The following ZNF558 variants were observed in gnomAD, a reference collection of about 807,000 sequenced individuals.
ZNF558 encodes the protein zinc finger protein 558.
A neutral mutation model predicts 37.6 loss-of-function variants in ZNF558; 23 were observed. That is an observed-to-expected ratio of 0.61 (90% CI 0.44 to 0.87). The LOEUF is 0.87. ZNF558 is among the 40% of genes least tolerant of loss of function. ZNF558 has a pLI of 0.00. For missense variants in ZNF558, 429 were observed against 483.7 expected (o/e 0.89, Z 1.06); for synonymous variants, 189 against 174.4 (o/e 1.08, Z -0.66).
At chr19:8,823,315 C>G (rs765925398) in intron 4 of ZNF558, among the ~76,000 whole-genome samples, 5 of 151,806 alleles carry the variant, frequency 3.3e-5, no homozygotes, top group Middle Eastern at 6.8e-3. Flanking sequence ...GCATGTCCTC[C>G]GACCACACGC....
At chr19:8,817,307 C>T (rs2043963155) in intron 7 of ZNF558, among the ~76,000 whole-genome samples, 1 of 152,108 alleles carries the variant, frequency 6.6e-6, no homozygotes, top group South Asian at 2.1e-4. Flanking sequence ...AGATCATACG[C>T]ATTCAGTAGA....
intron 7 of ZNF558, among the ~76,000 whole-genome samples, chr19:8,814,171 A>G (rs1415626405): frequency 2.6e-5 from 4 of 152,204 alleles, no homozygotes; most frequent in Non-Finnish European, 4.4e-5. Flanking sequence ...GAGCTTTATG[A>G]TACTTTAAAT....
Position 8,807,288 on chromosome 19 carries a change from CCTG to C in ZNF558, c.*3990_*3992del, listed in dbSNP as rs2043711231. On this transcript the variant is annotated 3_prime_UTR_variant, in exon 10 of 10. Coordinates refer to ENST00000601372, the MANE Select transcript of ZNF558 (RefSeq NM_144693.3). ...AGGCTGTGAGGTGTTAGAGCTCTGCCCTGCTAAGCTGCTGGGTGCTTTACAACT... is the reference window on the plus strand; with the variant it reads ...AGGCTGTGAGGTGTTAGAGCTCTGCCCTAAGCTGCTGGGTGCTTTACAACT... 6.6e-6 allele frequency: 1 copy of C among 152,340 alleles called. No homozygotes were observed. The highest frequency in any genetic ancestry group is 2.1e-4 in the South Asian group (1 of 4,826). 9.4% of individuals were successfully genotyped at this position (152,340 alleles called of 1,614,324 possible).
At chr19:8,823,554 C>G (rs906715401) in intron 4 of ZNF558, among the ~76,000 whole-genome samples, 1 of 140,474 alleles carries the variant, frequency 7.1e-6, no homozygotes, top group Non-Finnish European at 1.6e-5. Context: ...AACTCCTGCC[C>G]TTGGTCACCC....
At chr19:8,835,093 C>T (rs1192399398), upstream of ZNF558, among the ~76,000 whole-genome samples, 1 of 151,502 alleles carries the variant, frequency 6.6e-6, no homozygotes, top group Admixed American at 6.6e-5. Flanking sequence ...CTTCTGTCAC[C>T]TAGGCTGGAG....
At chr19:8,815,928 G>A (rs2043925902) in intron 7 of ZNF558, among the ~76,000 whole-genome samples, 1 of 150,944 alleles carries the variant, frequency 6.6e-6, no homozygotes, top group Non-Finnish European at 1.5e-5. Flanking sequence ...GAGAGAAAAG[G>A]GTGAGAAGGT....
At chr19:8,826,254 G>A (rs1257424256) in intron 2 of ZNF558, among the ~76,000 whole-genome samples, 3 of 152,004 alleles carry the variant, frequency 2.0e-5, no homozygotes, top group African/African-American at 7.3e-5. Context: ...GGCGGCAGTG[G>A]GGCTGGGCAG....
At chr19:8,816,991 C>T (rs1299592391) in intron 7 of ZNF558, among the ~76,000 whole-genome samples, 1 of 151,952 alleles carries the variant, frequency 6.6e-6, no homozygotes, top group Non-Finnish European at 1.5e-5. Flanking sequence ...TATTAAAATT[C>T]TCAGGGCAAC....
upstream of ZNF558, among the ~76,000 whole-genome samples, chr19:8,836,967 T>A (rs533043736): frequency 1.1e-4 from 16 of 152,308 alleles, no homozygotes; most frequent in Admixed American, 2.0e-4. Context: ...AGACAAAGGC[T>A]ATGAACCACA....
intron 7 of ZNF558, among the ~76,000 whole-genome samples, chr19:8,818,414 T>C (rs1371990704): frequency 6.6e-6 from 1 of 152,170 alleles, no homozygotes; most frequent in East Asian, 1.9e-4. Context: ...ATCGCACCAC[T>C]GCACTCCAGC....
At chr19:8,821,865 A>G in intron 6 of ZNF558, 138 bp downstream of exon 6, 1 of 1,514,684 alleles carries the variant, frequency 6.6e-7, no homozygotes. Context: ...GGCAGCCCTC[A>G]CCCTCCATCT....
intron 7 of ZNF558, among the ~76,000 whole-genome samples, chr19:8,815,340 G>C (rs370807726): frequency 6.6e-6 from 1 of 152,094 alleles, no homozygotes; most frequent in African/African-American, 2.4e-5. Context: ...AACATTAAGA[G>C]ACAGAAACTT....
intron 2 of ZNF558, chr19:8,830,831 G>T (rs2044333865): frequency 6.6e-6 from 1 of 152,016 alleles, no homozygotes; most frequent in Non-Finnish European, 1.5e-5. Flanking sequence ...GGAGGTGGAG[G>T]TTGACATGAG....
At chr19:8,814,410 A>G (rs2043877104) in intron 7 of ZNF558, among the ~76,000 whole-genome samples, 1 of 152,230 alleles carries the variant, frequency 6.6e-6, no homozygotes, top group African/African-American at 2.4e-5. Flanking sequence ...AGGTAAATGT[A>G]TTAGTCAGTA....
At chr19:8,824,493 C>T (rs1022493954) in intron 3 of ZNF558, 76 bp from the exon 4 acceptor site, 17 of 152,354 alleles carry the variant, frequency 1.1e-4, no homozygotes, top group African/African-American at 4.1e-4. Flanking sequence ...ATTTGTTAGG[C>T]AGCAAGAGAT....
intron 2 of ZNF558, among the ~76,000 whole-genome samples, chr19:8,830,028 G>A (rs936766753): frequency 6.6e-6 from 1 of 152,158 alleles, no homozygotes; most frequent in Non-Finnish European, 1.5e-5. Context: ...TAATCCCTAT[G>A]TGTCAGAGGA....
At position 8,816,581 on chromosome 19, in the gene ZNF558, T is replaced by C. The variant is rs2043945719; in HGVS notation, c.248-3359A>G. Among the ~76,000 whole-genome samples, 3 of 152,016 alleles carry C rather than the reference T, an allele frequency of 2.0e-5. No individual in the cohort carries two copies. In the South Asian group the frequency reaches 6.2e-4, roughly 32 times the overall value. On this transcript the variant is annotated intron_variant, in intron 7 of 9. Transcript: ENST00000601372. Reference sequence around the variant, plus strand: ...ATCTGGCAAAACTCCCCTTCAAAAATAAAGAAATGAAGACCTTCCCATAAA... The same window carrying C: ...ATCTGGCAAAACTCCCCTTCAAAAACAAAGAAATGAAGACCTTCCCATAAA...
intron 6 of ZNF558, chr19:8,821,635 T>G: frequency 7.6e-7 from 1 of 1,319,548 alleles, no homozygotes; most frequent in South Asian, 1.8e-5. Context: ...TTTCCCTCAA[T>G]CTCCAGGGGA....
intron 7 of ZNF558, among the ~76,000 whole-genome samples, chr19:8,814,210 C>A (rs542469809): frequency 1.3e-5 from 2 of 152,268 alleles, no homozygotes; most frequent in East Asian, 3.9e-4. Context: ...TTTTCTACAA[C>A]CTTGAAGACA....
Sources: allele counts gnomAD v4.1 joint callset (sites outside exome capture counted in the v4.1 genomes callset), GRCh38; gene constraint gnomAD v4.1.1; transcripts MANE v1.5; gene names NCBI Gene and HGNC (gene_info 2026-07-23, HGNC 2026-07-21).